Variants in AFG2A observed in about 807,000 individuals in gnomAD.
The protein encoded by AFG2A is ATPase family gene 2 protein homolog A.
chr4:123,124,009 G>C, the AFG2A span, among the ~76,000 whole-genome samples: 2 of 150,954 alleles, frequency 1.3e-5, no homozygotes, highest in African/African-American at 4.9e-5. Flanking sequence ...AGAGGATGTG[G>C]AGAAATAGGA....
the AFG2A span, among the ~76,000 whole-genome samples, chr4:123,243,745 A>G: frequency 6.6e-6 from 1 of 152,148 alleles, no homozygotes; most frequent in Admixed American, 6.5e-5. Flanking sequence ...TAAAAAAAAA[A>G]TTCAGTTACA....
chr4:122,960,172 C>T, the AFG2A span, among the ~76,000 whole-genome samples: 2 of 152,200 alleles, frequency 1.3e-5, no homozygotes, highest in African/African-American at 4.8e-5. Flanking sequence ...CTAACACATC[C>T]TGACATTTAG....
At chr4:122,982,894 G>A in the AFG2A span, among the ~76,000 whole-genome samples, 2 of 115,666 alleles carry the variant, frequency 1.7e-5, no homozygotes, top group Non-Finnish European at 3.4e-5. Context: ...TTGAGACGGA[G>A]TCTCGCTCTG....
At chr4:123,033,869 CA>C in the AFG2A span, among the ~76,000 whole-genome samples, 1 of 151,934 alleles carries the variant, frequency 6.6e-6, no homozygotes, top group East Asian at 1.9e-4. Context: ...CTTAAAAAGG[CA>C]AATGAAAAAG....
the AFG2A span, among the ~76,000 whole-genome samples, chr4:123,118,882 T>C: frequency 6.6e-6 from 1 of 152,142 alleles, no homozygotes; most frequent in Admixed American, 6.5e-5. Context: ...AAAACATAAA[T>C]ATACATTGAT....
At chr4:123,180,252 T>C in the AFG2A span, among the ~76,000 whole-genome samples, 1 of 152,074 alleles carries the variant, frequency 6.6e-6, no homozygotes, top group Non-Finnish European at 1.5e-5. Flanking sequence ...AAACTTAGTA[T>C]GTAACTATTT....
At chr4:123,196,533 A>G in the AFG2A span, among the ~76,000 whole-genome samples, 1 of 150,422 alleles carries the variant, frequency 6.6e-6, no homozygotes, top group Non-Finnish European at 1.5e-5. Context: ...CACACAAAAC[A>G]TTTTTTTTTT....
At chr4:123,183,560 A>G in the AFG2A span, among the ~76,000 whole-genome samples, 3,633 of 152,310 alleles carry the variant, frequency 0.024, 153 homozygotes, top group African/African-American at 0.081. Context: ...TTCACTCTGT[A>G]GTTTTCTTAC....
the AFG2A span, among the ~76,000 whole-genome samples, chr4:122,945,816 G>C: frequency 5.2e-3 from 799 of 152,274 alleles, 7 homozygotes; most frequent in African/African-American, 0.018. Flanking sequence ...GTTTTTTACT[G>C]TCTAGTGGCA....
chr4:123,123,538 C>A, the AFG2A span, among the ~76,000 whole-genome samples: 1 of 152,086 alleles, frequency 6.6e-6, no homozygotes, highest in Non-Finnish European at 1.5e-5. Flanking sequence ...ACAGGGCTTA[C>A]CTCAAAATAT....
the AFG2A span, among the ~76,000 whole-genome samples, chr4:123,230,438 T>G: frequency 6.6e-6 from 1 of 152,074 alleles, no homozygotes; most frequent in Admixed American, 6.6e-5. Context: ...TCAGTCATAA[T>G]TTCAGGCTCC....
At chr4:123,166,457 A>T in the AFG2A span, among the ~76,000 whole-genome samples, 1 of 152,190 alleles carries the variant, frequency 6.6e-6, no homozygotes, top group Non-Finnish European at 1.5e-5. Context: ...CCCTTTATGT[A>T]TATATCTATC....
the AFG2A span, among the ~76,000 whole-genome samples, chr4:123,312,852 G>C: frequency 1.3e-5 from 2 of 152,158 alleles, no homozygotes; most frequent in Admixed American, 1.3e-4. Flanking sequence ...CCCCTAAAAA[G>C]CTACTAAACT....
At chr4:123,218,945 T>G in the AFG2A span, among the ~76,000 whole-genome samples, 3,541 of 152,258 alleles carry the variant, frequency 0.023, 72 homozygotes, top group African/African-American at 0.055. Flanking sequence ...TGTATTAAAG[T>G]TTTCTAGAGA....
chr4:123,184,532 C>CT, the AFG2A span, among the ~76,000 whole-genome samples: 2,658 of 89,060 alleles, frequency 0.03, 255 homozygotes, highest in Admixed American at 0.079. Flanking sequence ...ATGATCATTT[C>CT]TTTTTTTTTT....
the AFG2A span, among the ~76,000 whole-genome samples, chr4:123,007,462 A>G: frequency 2.1e-5 from 3 of 143,476 alleles, no homozygotes; most frequent in African/African-American, 7.8e-5. Flanking sequence ...TTGAATCCCC[A>G]CTCCCTCTGT....
chr4:123,115,177 C>G, the AFG2A span, among the ~76,000 whole-genome samples: 2 of 152,234 alleles, frequency 1.3e-5, no homozygotes, highest in East Asian at 3.9e-4. Context: ...CCGCAAGTTC[C>G]CCCTGTGGAC....
chr4:122,943,619 C>T, the AFG2A span, among the ~76,000 whole-genome samples: 1 of 152,032 alleles, frequency 6.6e-6, no homozygotes, highest in Admixed American at 6.6e-5. Flanking sequence ...TTAATTGGAG[C>T]ATTTAGTCCA....
chr4:123,211,529 A>G, the AFG2A span, among the ~76,000 whole-genome samples: 1 of 152,202 alleles, frequency 6.6e-6, no homozygotes, highest in South Asian at 2.1e-4. Flanking sequence ...TGCTGTCACA[A>G]CATACAAGCT....
Sources: allele counts gnomAD v4.1 joint callset (sites outside exome capture counted in the v4.1 genomes callset), GRCh38; gene constraint gnomAD v4.1.1; transcripts MANE v1.5; gene names NCBI Gene and HGNC (gene_info 2026-07-23, HGNC 2026-07-21).